The following NPHP4 variants were observed in gnomAD, a reference collection of about 807,000 sequenced individuals.
NPHP4 encodes nephrocystin-4.
Under a neutral mutation model 155.8 loss-of-function variants are expected in NPHP4, and 151 were observed. The ratio of observed to expected loss-of-function variants is 0.97; its 90% confidence interval spans 0.85 to 1.11. The LOEUF (loss-of-function observed/expected upper bound fraction) is 1.11. Ranked by LOEUF, NPHP4 falls within the 50% of genes least tolerant of loss-of-function variation. NPHP4 has a pLI of 0.00. For synonymous variants in NPHP4, 845 were observed against 816.8 expected (o/e 1.03, Z -0.59); for missense variants, 1,956 against 1,925.7 (o/e 1.02, Z -0.29).
intron 23 of NPHP4, among the ~76,000 whole-genome samples, chr1:5,869,586 G>C (rs766411619): frequency 6.6e-6 from 1 of 152,220 alleles, no homozygotes; most frequent in African/African-American, 2.4e-5. Flanking sequence ...ATTATCCAGA[G>C]AAGAATTCTT....
chr1:5,964,463 T>C (rs1433438146), intron 5 of NPHP4, among the ~76,000 whole-genome samples: 2 of 152,054 alleles, frequency 1.3e-5, no homozygotes, highest in African/African-American at 2.4e-5. Context: ...TTTAGACCAT[T>C]AGCATATCAT....
intron 18 of NPHP4, among the ~76,000 whole-genome samples, chr1:5,883,555 G>A (rs778801395): frequency 2.0e-5 from 3 of 152,146 alleles, no homozygotes; most frequent in Middle Eastern, 3.2e-3. Context: ...GTCACGTCCC[G>A]AGGACCTGCT....
rs1641032004 is a variant in NPHP4, at chr1:5,864,801, A to G, written c.3817-284T>C. 3 of 536,542 alleles carry G rather than the reference A, an allele frequency of 5.6e-6. No individual in the cohort carries two copies. In the South Asian group the frequency reaches 8.8e-5, roughly 16 times the overall value. 33.2% of individuals were successfully genotyped at this position (536,542 alleles called of 1,614,324 possible). On this transcript the variant is annotated intron_variant, in intron 27 of 29. Transcript: ENST00000378156. ...AAAACCCCGGCCAGCTGGTGGCACCAGGGGCCGCCCTCCCACCCCGTCTAA... is the reference window on the plus strand; with the variant it reads ...AAAACCCCGGCCAGCTGGTGGCACCGGGGGCCGCCCTCCCACCCCGTCTAA...
Position 5,875,050 on chromosome 1 carries a change from G to T in NPHP4, c.2868C>A (p.Ala956=), listed in dbSNP as rs138025088. ...CGGCCTTCGTGCGTTCCCGGTAGGCGGCGATGACCTGTAGGTCCCGCAAGT... is the reference window on the plus strand; with the variant it reads ...CGGCCTTCGTGCGTTCCCGGTAGGCTGCGATGACCTGTAGGTCCCGCAAGT... The part of the protein sequence containing the change: ...TQHLRDLQVI[A]AYRERTKAES... Residue 956 remains alanine, a synonymous_variant, in exon 21 of 30, where the codon GCC becomes GCA. Transcript: ENST00000378156. 1 of 1,608,246 alleles carries T rather than the reference G, an allele frequency of 6.2e-7. No individual in the cohort carries two copies. Among genetic ancestry groups the T allele is most frequent in the African/African-American group, 1.3e-5 (1 of 74,912 alleles).
chr1:5,982,726 T>G (rs1185362107), intron 2 of NPHP4, among the ~76,000 whole-genome samples: 1 of 152,258 alleles, frequency 6.6e-6, no homozygotes, highest in African/African-American at 2.4e-5. Context: ...AGTTATATCC[T>G]ATAAATCTGT....
At chr1:5,916,767 T>G (rs1645494549) in intron 11 of NPHP4, among the ~76,000 whole-genome samples, 1 of 152,208 alleles carries the variant, frequency 6.6e-6, no homozygotes, top group Non-Finnish European at 1.5e-5. Flanking sequence ...CCCAGCATTC[T>G]GGGGCCAAGG....
In NPHP4 at chr1:5,862,967, G is replaced by A; in HGVS notation, c.*298C>T. On this transcript the variant is annotated 3_prime_UTR_variant, in exon 30 of 30. Coordinates refer to ENST00000378156, the MANE Select transcript of NPHP4 (RefSeq NM_015102.5). ...GGATGATTCATAAAATACATTTTGA[G>A]CAACAGCGATAACGAGGGTCCCACA... The A allele has an allele frequency of 4.7e-6, 2 of 425,420 alleles. No homozygotes were observed. The highest frequency in any genetic ancestry group is 8.6e-6 in the Non-Finnish European group (2 of 233,494). 26.4% of individuals were successfully genotyped at this position (425,420 alleles called of 1,614,324 possible). A position where few individuals can be genotyped will look rare whatever the true frequency, so the allele number is the denominator to read the frequency against.
At chr1:5,972,276 C>A (rs958760424) in intron 3 of NPHP4, among the ~76,000 whole-genome samples, 3 of 152,204 alleles carry the variant, frequency 2.0e-5, no homozygotes, top group African/African-American at 7.2e-5. Flanking sequence ...TCATGCAGTT[C>A]CTACCCTCTG....
intron 19 of NPHP4, among the ~76,000 whole-genome samples, chr1:5,878,259 G>A (rs1170740897): frequency 1.3e-5 from 2 of 152,234 alleles, no homozygotes; most frequent in African/African-American, 4.8e-5. Flanking sequence ...CGTGACCCCC[G>A]CCTCCTTCTC....
At chr1:5,945,532 C>A in intron 9 of NPHP4, among the ~76,000 whole-genome samples, 1 of 152,200 alleles carries the variant, frequency 6.6e-6, no homozygotes, top group Middle Eastern at 3.2e-3. Context: ...GGCATGGACA[C>A]TGGCAAGGTC....
rs1641375975 is a variant in NPHP4 at position 5,867,577 on chromosome 1, G to A, written c.3472+163C>T. On this transcript the variant is annotated intron_variant, in intron 24 of 29. Transcript: ENST00000378156. This position sits in a 1 kb window ranked among gnomAD's most constrained non-coding sequence, Gnocchi z 4.1. ...TCTCAGAGGTGGCAAGAGGGACACC[G>A]TTTCAAACCATAAAGGCAGGAGAGA... 1.1e-5 allele frequency: 8 copies of A among 723,216 alleles called. No individual in the cohort carries two copies. Among genetic ancestry groups the A allele is most frequent in the Middle Eastern group, 3.9e-4 (1 of 2,552 alleles). The allele number at this position is 723,216 out of a possible 1,614,324, so 44.8% of individuals were successfully genotyped here.
Position 5,905,317 on chromosome 1 carries a change from C to A in NPHP4, c.1930G>T (p.Val644Leu), listed in dbSNP as rs746892097. 5 of 1,613,618 alleles carry A rather than the reference C, an allele frequency of 3.1e-6. No homozygotes were observed. The East Asian group carries it at 1.1e-4, about 36-fold the overall frequency. Reference sequence around the variant, plus strand: ...CTGCTAAAGGCAAGAAACTGTAGCACCATCTCGTTGCTTTGTAGACAATCT... The same window carrying A: ...CTGCTAAAGGCAAGAAACTGTAGCAACATCTCGTTGCTTTGTAGACAATCT... The part of the protein sequence containing the change: ...ESDCLQSNEM[V>L]LQFLAFSRVA... The change falls in exon 15 of 30, where the codon GTG becomes TTG. Residue 644 changes from valine (V) to leucine (L), a missense_variant. By Grantham distance (32) the Val-to-Leu change is conservative (BLOSUM62 1). Coordinates refer to ENST00000378156, the MANE Select transcript of NPHP4 (RefSeq NM_015102.5). This position sits in a 1 kb window ranked among gnomAD's most constrained non-coding sequence, Gnocchi z 4.0.
At chr1:5,913,642 T>C (rs1437941436) in intron 11 of NPHP4, among the ~76,000 whole-genome samples, 1 of 152,176 alleles carries the variant, frequency 6.6e-6, no homozygotes, top group Non-Finnish European at 1.5e-5. Flanking sequence ...GTCTTCACAC[T>C]GCCTCTGCAC....
chr1:5,951,078 G>C (rs1647897713), intron 7 of NPHP4, among the ~76,000 whole-genome samples: 1 of 152,192 alleles, frequency 6.6e-6, no homozygotes, highest in Admixed American at 6.5e-5. Context: ...ACTGTTTAGA[G>C]ATGCATCGAT....
At chr1:5,887,217 G>C (rs1302972339) in intron 18 of NPHP4, 69 bp downstream of exon 18, 2 of 1,434,728 alleles carry the variant, frequency 1.4e-6, no homozygotes, top group African/African-American at 2.8e-5. Context: ...CCCTGCCCGA[G>C]GGAGCCCACA....
chr1:5,988,656 T>C (rs1306411075), intron 1 of NPHP4, among the ~76,000 whole-genome samples: 1 of 152,174 alleles, frequency 6.6e-6, no homozygotes, highest in Non-Finnish European at 1.5e-5. Flanking sequence ...ACCAAAAAGT[T>C]TGAGAAGGGT....
chr1:5,893,793 A>G (rs1452916058), intron 16 of NPHP4, among the ~76,000 whole-genome samples: 1 of 152,176 alleles, frequency 6.6e-6, no homozygotes, highest in Non-Finnish European at 1.5e-5. Flanking sequence ...ACTTTTCGCT[A>G]CCGCTAGACC....
At chr1:5,978,182 G>A in intron 3 of NPHP4, 88 bp downstream of exon 3, 1 of 1,277,614 alleles carries the variant, frequency 7.8e-7, no homozygotes, top group Non-Finnish European at 1.1e-6. Context: ...GTCTCGGCAA[G>A]GCCCCAGTCT....
At chr1:5,935,585 C>T (rs1646495365) in intron 9 of NPHP4, among the ~76,000 whole-genome samples, 1 of 152,200 alleles carries the variant, frequency 6.6e-6, no homozygotes, top group Non-Finnish European at 1.5e-5. Context: ...TTTTAAAAAT[C>T]AAATTACAGC....
Sources: gnomAD v4.1 joint callset for allele counts (sites outside exome capture counted in the v4.1 genomes callset) on GRCh38, gnomAD v4.1.1 for gene constraint, Gnocchi (gnomAD v3.1) non-coding constraint, MANE v1.5 for transcripts, NCBI Gene and HGNC (gene_info 2026-07-23, HGNC 2026-07-21) for gene names.